The following XKR9 variants were observed in gnomAD, a reference collection of about 807,000 sequenced individuals.
XKR9 encodes XK related 9.
In XKR9, 32 loss-of-function variants were observed where a neutral mutation model predicts 32.0. The ratio of observed to expected loss-of-function variants is 1.00; its 90% confidence interval spans 0.76 to 1.34. The LOEUF (loss-of-function observed/expected upper bound fraction) is 1.34. XKR9 is among the 40% of genes most tolerant of loss of function. XKR9 has a pLI of 0.00. For missense variants in XKR9, 546 were observed against 429.7 expected (o/e 1.27, Z -2.39); for synonymous variants, 168 against 143.4 (o/e 1.17, Z -1.22).
the XKR9 span, among the ~76,000 whole-genome samples, chr8:71,046,902 T>C: frequency 6.6e-6 from 1 of 152,216 alleles, no homozygotes; most frequent in African/African-American, 2.4e-5. Context: ...TCTTCATCTG[T>C]AACTTTGTAT....
chr8:70,895,733 C>T, the XKR9 span, among the ~76,000 whole-genome samples: 3 of 150,840 alleles, frequency 2.0e-5, no homozygotes, highest in Non-Finnish European at 2.9e-5. Flanking sequence ...GCCTGCAATC[C>T]CAGCGCTTTG....
chr8:70,982,024 C>T, the XKR9 span, among the ~76,000 whole-genome samples: 2 of 152,228 alleles, frequency 1.3e-5, no homozygotes, highest in Non-Finnish European at 2.9e-5. Flanking sequence ...TGGATACCTG[C>T]ACCTGCACTG....
chr8:70,890,519 A>T, the XKR9 span, among the ~76,000 whole-genome samples: 1 of 151,802 alleles, frequency 6.6e-6, no homozygotes, highest in African/African-American at 2.4e-5. Context: ...ATTATAAAGG[A>T]TGTTGAATTT....
chr8:70,892,565 T>A, the XKR9 span, among the ~76,000 whole-genome samples: 19 of 152,330 alleles, frequency 1.2e-4, no homozygotes, highest in African/African-American at 4.6e-4. Context: ...TGTCTGCAAA[T>A]GACTTTATTT....
At chr8:70,927,416 C>A in the XKR9 span, among the ~76,000 whole-genome samples, 1 of 152,152 alleles carries the variant, frequency 6.6e-6, no homozygotes, top group African/African-American at 2.4e-5. Flanking sequence ...CATAACAAAA[C>A]ACCTGAGACT....
the XKR9 span, among the ~76,000 whole-genome samples, chr8:70,824,007 G>A: frequency 6.6e-6 from 1 of 152,084 alleles, no homozygotes; most frequent in Non-Finnish European, 1.5e-5. Context: ...GTGAATCACT[G>A]GACTATATTA....
chr8:70,674,919 G>A lies in XKR9; in HGVS notation c.-279+20G>A, dbSNP rs1486413921. On this transcript the variant is annotated intron_variant, in intron 2 of 4. Coordinates refer to ENST00000408926, the MANE Select transcript of XKR9 (RefSeq NM_001011720.2). Reference sequence around the variant, plus strand: ...TGACAAGTAAGTCTATGTTTTATATGTGTTATATTTGGTTGACAAGGGAAA... The same window carrying A: ...TGACAAGTAAGTCTATGTTTTATATATGTTATATTTGGTTGACAAGGGAAA... The A allele has an allele frequency of 1.3e-5, 2 of 152,178 alleles. No homozygotes were observed. Among genetic ancestry groups the A allele is most frequent in the East Asian group, 3.8e-4 (2 of 5,204 alleles). The allele number at this position is 152,178 out of a possible 1,614,324, so 9.4% of individuals were successfully genotyped here. A position where few individuals can be genotyped will look rare whatever the true frequency, so the allele number is the denominator to read the frequency against.
chr8:70,779,917 T>C (rs1469868574), intron 2 of XKR9, among the ~76,000 whole-genome samples: 3 of 152,122 alleles, frequency 2.0e-5, no homozygotes, highest in African/African-American at 7.2e-5. Flanking sequence ...CTTGGATTCA[T>C]TGATTTTTTG....
chr8:70,994,693 CCATTACA>C, the XKR9 span, among the ~76,000 whole-genome samples: 1 of 149,974 alleles, frequency 6.7e-6, no homozygotes, highest in African/African-American at 2.4e-5. Flanking sequence ...CTCTCTATTC[CCATTACA>C]CATTACACAC....
At chr8:71,057,592 T>C in the XKR9 span, among the ~76,000 whole-genome samples, 1 of 152,206 alleles carries the variant, frequency 6.6e-6, no homozygotes, top group Non-Finnish European at 1.5e-5. Context: ...GTGGTGATGA[T>C]ATATCTCAAT....
At chr8:71,053,274 T>C in the XKR9 span, among the ~76,000 whole-genome samples, 2 of 152,228 alleles carry the variant, frequency 1.3e-5, no homozygotes, top group African/African-American at 4.8e-5. Context: ...TACTGAGTCA[T>C]TGGATCCGGA....
At chr8:70,851,061 G>A in the XKR9 span, among the ~76,000 whole-genome samples, 3 of 152,158 alleles carry the variant, frequency 2.0e-5, no homozygotes, top group Non-Finnish European at 4.4e-5. Context: ...AACTTGTTAA[G>A]CTGATAAGCA....
chr8:70,733,620 C>A (rs1213095078), intron 4 of XKR9, among the ~76,000 whole-genome samples, 176 bp from the exon 5 acceptor site: 1 of 151,996 alleles, frequency 6.6e-6, no homozygotes, highest in African/African-American at 2.4e-5. Flanking sequence ...GTGTATCTCT[C>A]CAAGTCTCAG....
chr8:71,005,592 G>A, the XKR9 span, among the ~76,000 whole-genome samples: 3 of 152,176 alleles, frequency 2.0e-5, no homozygotes, highest in African/African-American at 7.2e-5. Context: ...ATGATTTCAT[G>A]AACTGCAAGA....
chr8:70,955,113 C>A, the XKR9 span, among the ~76,000 whole-genome samples: 1 of 152,192 alleles, frequency 6.6e-6, no homozygotes, highest in African/African-American at 2.4e-5. Context: ...CCAACTTCAC[C>A]CGTGACTTCT....
At chr8:71,015,723 G>A in the XKR9 span, among the ~76,000 whole-genome samples, 4 of 152,032 alleles carry the variant, frequency 2.6e-5, no homozygotes, top group South Asian at 8.3e-4. Flanking sequence ...TTAAATTAAA[G>A]TGCTAAGACT....
intron 4 of XKR9, among the ~76,000 whole-genome samples, chr8:70,728,959 T>G (rs1240979214): frequency 6.6e-6 from 1 of 152,156 alleles, no homozygotes; most frequent in Non-Finnish European, 1.5e-5. Flanking sequence ...CCAGGATAAC[T>G]CAGGGCTCCT....
chr8:70,699,025 T>C (rs1179539758), intron 3 of XKR9, among the ~76,000 whole-genome samples: 2 of 152,176 alleles, frequency 1.3e-5, no homozygotes, highest in Non-Finnish European at 2.9e-5. Context: ...TTTTTTGTTT[T>C]CCATTTGCTT....
At chr8:70,936,426 T>C in the XKR9 span, among the ~76,000 whole-genome samples, 1 of 152,014 alleles carries the variant, frequency 6.6e-6, no homozygotes, top group Admixed American at 6.6e-5. Flanking sequence ...ATCGTAATCA[T>C]GTCTGGGATG....
Sources: gnomAD v4.1 joint callset for allele counts (sites outside exome capture counted in the v4.1 genomes callset) on GRCh38, gnomAD v4.1.1 for gene constraint, MANE v1.5 for transcripts, NCBI Gene and HGNC (gene_info 2026-07-23, HGNC 2026-07-21) for gene names.